ASXL3: variants seen among roughly 807,000 people sequenced by gnomAD.
The protein encoded by ASXL3 is putative Polycomb group protein ASXL3.
Under a neutral mutation model 170.6 loss-of-function variants are expected in ASXL3, and 34 were observed. The observed-to-expected ratio is 0.20, with a 90% CI of 0.15 to 0.27. The LOEUF is 0.27. ASXL3 is among the 10% of genes least tolerant of loss of function. The probability of loss-of-function intolerance (pLI) is 1.00; values close to 1 mark genes in which losing one functional copy is unlikely to be tolerated. For synonymous variants in ASXL3, 1,002 were observed against 989.1 expected, an observed-to-expected ratio of 1.01 and a Z score of -0.24; for missense variants, 2,592 against 2,695.3, an observed-to-expected ratio of 0.96 and a Z score of 0.85.
At chr18:33,641,100 C>T (rs1234466001) in intron 2 of ASXL3, among the ~76,000 whole-genome samples, 2 of 151,984 alleles carry the variant, frequency 1.3e-5, no homozygotes, top group Admixed American at 6.6e-5. Context: ...ATTGCATTCC[C>T]CAGGTATTCT....
At chr18:33,625,418 G>T (rs1265761497) in intron 2 of ASXL3, among the ~76,000 whole-genome samples, 3 of 152,170 alleles carry the variant, frequency 2.0e-5, no homozygotes, top group Non-Finnish European at 4.4e-5. Context: ...TCAAACATGA[G>T]AATTTAAAAT....
chr18:33,738,850 T>G lies in ASXL3; in HGVS notation c.1446T>G (p.Ser482Arg). The change falls in exon 11 of 12, where the codon AGT becomes AGG. Residue 482 changes from serine (S) to arginine (R), a missense_variant. By Grantham distance (110) the Ser-to-Arg change is moderately radical. Coordinates refer to ENST00000269197, the MANE Select transcript of ASXL3 (RefSeq NM_030632.3). The stretch of plus-strand genomic sequence containing the variant: ...CTGAATTTTCTGAGGAGGCTGAAAG[T>G]CTAACCAATTCTCATGAAGAACCCC... ...TIPEFSEEAESLTNSHEEPQI... is the reference protein window; with the variant it reads ...TIPEFSEEAERLTNSHEEPQI... 1 of 1,613,606 alleles carries G rather than the reference T, an allele frequency of 6.2e-7. No individual in the cohort carries two copies. Among genetic ancestry groups the G allele is most frequent in the Middle Eastern group, 1.6e-4 (1 of 6,062 alleles).
intron 8 of ASXL3, among the ~76,000 whole-genome samples, chr18:33,719,754 C>A (rs528719784): frequency 1.3e-5 from 2 of 151,930 alleles, no homozygotes; most frequent in African/African-American, 4.8e-5. Flanking sequence ...GTCCCTTCCA[C>A]CATGGAGGCA....
At chr18:33,644,604 A>G (rs568490843) in intron 2 of ASXL3, among the ~76,000 whole-genome samples, 5 of 151,518 alleles carry the variant, frequency 3.3e-5, no homozygotes, top group Non-Finnish European at 5.9e-5. Context: ...TCTGTAAAAT[A>G]TAGTATTGGT....
chr18:33,671,449 G>C (rs1464203621), intron 6 of ASXL3, among the ~76,000 whole-genome samples: 2 of 151,968 alleles, frequency 1.3e-5, no homozygotes, highest in African/African-American at 4.8e-5. Flanking sequence ...GCATAGTATT[G>C]TTCAAGCTTA....
chr18:33,746,359 A>T lies in ASXL3; in HGVS notation c.6511A>T (p.Ile2171Phe). 2 of 1,613,960 alleles carry T rather than the reference A, an allele frequency of 1.2e-6. No homozygotes were observed. The highest frequency in any genetic ancestry group is 1.1e-5 in the South Asian group (1 of 91,084). Reference protein sequence around the residue: ...STSFKRAASAIEKSIGILGSG... With the variant: ...STSFKRAASAFEKSIGILGSG... ...GAGTTTCAAAAGGGCAGCATCTGCA[A>T]TTGAAAAGTCCATTGGGATTTTGGG... Residue 2171 changes from isoleucine to phenylalanine, a missense_variant, in exon 12 of 12, where the codon ATT becomes TTT. Physicochemically the swap from Ile to Phe is conservative, Grantham distance 21 (BLOSUM62 0). This residue lies in a region of ASXL3 where 2,246 missense variants were observed against 2,219.6 expected (regional missense o/e 1.01). Coordinates refer to ENST00000269197, the MANE Select transcript of ASXL3 (RefSeq NM_030632.3).
intron 8 of ASXL3, among the ~76,000 whole-genome samples, chr18:33,702,864 G>A (rs1287474002): frequency 6.6e-6 from 1 of 152,066 alleles, no homozygotes; most frequent in Non-Finnish European, 1.5e-5. Flanking sequence ...AATTATTAGG[G>A]AGATAATAAT....
chr18:33,700,638 C>T (rs1292495776), intron 8 of ASXL3, among the ~76,000 whole-genome samples: 1 of 152,080 alleles, frequency 6.6e-6, no homozygotes, highest in African/African-American at 2.4e-5. Flanking sequence ...AGCAGCACAT[C>T]AGGCTACCTT....
chr18:33,682,305 A>G (rs2066526852), intron 7 of ASXL3, among the ~76,000 whole-genome samples: 1 of 152,250 alleles, frequency 6.6e-6, no homozygotes, highest in Admixed American at 6.5e-5. Context: ...CCTCTGATTT[A>G]AAACATACTC....
Position 33,671,837 on chromosome 18 carries a change from A to C in ASXL3, c.686A>C (p.His229Pro), listed in dbSNP as rs2066347918. The change falls in exon 7 of 12, where the codon CAC (histidine) becomes CCC (proline). Residue 229 changes from histidine (H) to proline (P), a missense_variant. By Grantham distance (77) the His-to-Pro change is moderately conservative. Coordinates refer to ENST00000269197, the MANE Select transcript of ASXL3 (RefSeq NM_030632.3). The stretch of plus-strand genomic sequence containing the variant: ...CCCACTGGAAAACAAACAAGTCAGC[A>C]CTTAAAACGATTAAAAAAGTCTGGT... ...KSPTGKQTSQ[H>P]LKRLKKSGLG... 5 of 1,610,190 alleles carry C rather than the reference A, an allele frequency of 3.1e-6. No homozygotes were observed. Among genetic ancestry groups the C allele is most frequent in the Non-Finnish European group, 4.2e-6 (5 of 1,178,272 alleles).
chr18:33,740,990 A>C (rs984535228), intron 11 of ASXL3, among the ~76,000 whole-genome samples: 9 of 152,198 alleles, frequency 5.9e-5, no homozygotes, highest in African/African-American at 2.2e-4. Context: ...ATTATGCTTT[A>C]TATGTAGATA....
intron 8 of ASXL3, among the ~76,000 whole-genome samples, chr18:33,689,752 G>A (rs2066657847): frequency 6.6e-6 from 1 of 152,146 alleles, no homozygotes; most frequent in Non-Finnish European, 1.5e-5. Context: ...CTTTTCCAGT[G>A]TAAACTTGCT....
At chr18:33,615,718 G>C (rs2065412030) in intron 2 of ASXL3, among the ~76,000 whole-genome samples, 1 of 152,088 alleles carries the variant, frequency 6.6e-6, no homozygotes, top group Non-Finnish European at 1.5e-5. Context: ...ACAGTCTTTT[G>C]TATGTTTGAT....
chr18:33,711,685 G>A lies in ASXL3; in HGVS notation c.880-20283G>A, dbSNP rs145514567. Among the ~76,000 whole-genome samples, 57 of 152,292 alleles carry A rather than the reference G, an allele frequency of 3.7e-4. 1 individual carries two copies. The highest frequency in any genetic ancestry group is 6.2e-4 in the Non-Finnish European group (42 of 68,020). ...GGTTGTTTGCGCACAGATCCTGTGA[G>A]TCCTGTGGGTGAGACCATATGGTGT... is the stretch of plus-strand genomic sequence containing the variant. On this transcript the variant is annotated intron_variant, in intron 8 of 11. Transcript: ENST00000269197.
chr18:33,679,213 A>G (rs1228641015), intron 7 of ASXL3, among the ~76,000 whole-genome samples: 1 of 152,032 alleles, frequency 6.6e-6, no homozygotes, highest in South Asian at 2.1e-4. Context: ...TTCTCTCTAT[A>G]TATATATTTT....
intron 8 of ASXL3, among the ~76,000 whole-genome samples, chr18:33,703,763 A>C (rs2066916799): frequency 6.6e-6 from 1 of 152,024 alleles, no homozygotes. Context: ...GTCAGAACTT[A>C]AGTGACACAG....
At chr18:33,581,419 A>G (rs887487278) in intron 1 of ASXL3, among the ~76,000 whole-genome samples, 5 of 151,920 alleles carry the variant, frequency 3.3e-5, no homozygotes, top group African/African-American at 4.8e-5. Flanking sequence ...AACGTTAAGA[A>G]TGATCTTCCA....
At chr18:33,584,189 C>G (rs2065016112) in intron 1 of ASXL3, among the ~76,000 whole-genome samples, 1 of 151,962 alleles carries the variant, frequency 6.6e-6, no homozygotes, top group African/African-American at 2.4e-5. Flanking sequence ...ACGACATGGA[C>G]AGAGGTGAGG....
chr18:33,734,133 T>TCTTCTAAAGCATTTAGC (rs1298486568), intron 9 of ASXL3, among the ~76,000 whole-genome samples, 177 bp from the exon 10 acceptor site: 106 of 151,708 alleles, frequency 7.0e-4, no homozygotes, highest in African/African-American at 1.6e-3. Context: ...GCTTTAGCAT[T>TCTTCTAAAGCATTTAGC]TTTATGAACA....
Sources: allele counts gnomAD v4.1 joint callset (sites outside exome capture counted in the v4.1 genomes callset), GRCh38; gene constraint gnomAD v4.1.1; regional missense constraint gnomAD v4.1.1; transcripts MANE v1.5; gene names NCBI Gene and HGNC (gene_info 2026-07-23, HGNC 2026-07-21).